ZFYVE9: variants seen among roughly 807,000 people sequenced by gnomAD.
ZFYVE9 encodes the protein zinc finger FYVE domain-containing protein 9.
In ZFYVE9, 43 loss-of-function variants were observed where a neutral mutation model predicts 126.7. The ratio of observed to expected loss-of-function variants is 0.34; its 90% confidence interval spans 0.27 to 0.44. The LOEUF (loss-of-function observed/expected upper bound fraction) is 0.44. ZFYVE9 is among the 20% of genes least tolerant of loss of function. The probability of loss-of-function intolerance (pLI) is 1.00; values close to 1 mark genes in which losing one functional copy is unlikely to be tolerated. For synonymous variants in ZFYVE9, 521 were observed against 597.4 expected (o/e 0.87, Z 1.87); for missense variants, 1,476 against 1,697.0 (o/e 0.87, Z 2.29).
chr1:52,310,452 TAGTCCTAGGTAC>T (rs67270585), intron 13 of ZFYVE9, among the ~76,000 whole-genome samples: 7,857 of 152,158 alleles, frequency 0.052, 458 homozygotes, highest in African/African-American at 0.13. Flanking sequence ...TGAATGTGTA[TAGTCCTAGGTAC>T]AGGCTGAGGT....
intron 12 of ZFYVE9, 106 bp from the exon 13 acceptor site, chr1:52,303,715 A>T (rs570328122): frequency 9.9e-6 from 6 of 605,714 alleles, no homozygotes; most frequent in African/African-American, 7.6e-5. Context: ...AATAAATAGG[A>T]TCTTTCAATA....
intron 1 of ZFYVE9, among the ~76,000 whole-genome samples, chr1:52,196,961 A>AT (rs1284506805): frequency 6.6e-6 from 1 of 152,164 alleles, no homozygotes; most frequent in African/African-American, 2.4e-5. Flanking sequence ...ATTATATTTA[A>AT]TTTTATTATC....
chr1:52,209,023 T>G (rs1157485324), intron 1 of ZFYVE9, among the ~76,000 whole-genome samples: 1 of 152,214 alleles, frequency 6.6e-6, no homozygotes, highest in Non-Finnish European at 1.5e-5. Flanking sequence ...CTGTGTATTA[T>G]CCATGGTATC....
At chr1:52,249,847 T>A (rs1645426652) in intron 4 of ZFYVE9, among the ~76,000 whole-genome samples, 1 of 152,220 alleles carries the variant, frequency 6.6e-6, no homozygotes, top group South Asian at 2.1e-4. Context: ...TATCTGGTTT[T>A]CTCAGTATCA....
At chr1:52,245,569 T>C (rs1315593303) in intron 4 of ZFYVE9, among the ~76,000 whole-genome samples, 1 of 152,198 alleles carries the variant, frequency 6.6e-6, no homozygotes, top group Non-Finnish European at 1.5e-5. Context: ...AAAATAGGCC[T>C]AGAAAGATTA....
At position 52,281,614 on chromosome 1, in the gene ZFYVE9, G is replaced by A. The variant is rs376084911; in HGVS notation, c.2870-47G>A. 1.6e-4 allele frequency: 253 copies of A among 1,600,376 alleles called. 2 individuals are homozygous for A. In the East Asian group the frequency reaches 2.2e-3, roughly 14 times the overall value. ...TCTGTGCATCTTTTTTTAAGAGTAA[G>A]GATTGATAGGAATGTCTTTATTTTT... On this transcript the variant is annotated intron_variant, in intron 9 of 18. Transcript: ENST00000287727.
intron 4 of ZFYVE9, among the ~76,000 whole-genome samples, chr1:52,249,411 T>G (rs969247425): frequency 2.0e-5 from 3 of 152,230 alleles, no homozygotes; most frequent in African/African-American, 7.2e-5. Flanking sequence ...TGAGCCTCTT[T>G]TCATGTACTT....
intron 1 of ZFYVE9, among the ~76,000 whole-genome samples, chr1:52,144,305 G>A (rs2124484845): frequency 6.6e-6 from 1 of 151,990 alleles, no homozygotes; most frequent in South Asian, 2.1e-4. Context: ...GCAACAGAGC[G>A]AGACTCCATC....
At chr1:52,322,125 G>A (rs1370240759) in intron 13 of ZFYVE9, among the ~76,000 whole-genome samples, 1 of 152,160 alleles carries the variant, frequency 6.6e-6, no homozygotes, top group African/African-American at 2.4e-5. Context: ...TGACAGTGCT[G>A]TCATCTTTCC....
intron 4 of ZFYVE9, among the ~76,000 whole-genome samples, chr1:52,256,337 G>T (rs1184631158): frequency 6.6e-6 from 1 of 151,596 alleles, no homozygotes; most frequent in African/African-American, 2.4e-5. Context: ...AAAGTGCTGG[G>T]ATTACAGGCA....
At chr1:52,165,762 A>G (rs78462288) in intron 1 of ZFYVE9, among the ~76,000 whole-genome samples, 2 of 151,162 alleles carry the variant, frequency 1.3e-5, no homozygotes, top group African/African-American at 2.5e-5. Flanking sequence ...TTCAGGTTCA[A>G]TTCAATAGTG....
chr1:52,203,854 A>G (rs1255966840), intron 1 of ZFYVE9, among the ~76,000 whole-genome samples: 1 of 152,100 alleles, frequency 6.6e-6, no homozygotes, highest in African/African-American at 2.4e-5. Flanking sequence ...AAATAAGCCT[A>G]TCAAAGGCAT....
At chr1:52,202,878 G>A (rs1644937082) in intron 1 of ZFYVE9, among the ~76,000 whole-genome samples, 1 of 151,340 alleles carries the variant, frequency 6.6e-6, no homozygotes, top group Admixed American at 6.6e-5. Context: ...TAGAGACAGG[G>A]TTTCGCCACA....
At position 52,298,806 on chromosome 1, in the gene ZFYVE9, G is replaced by GTGTT. The variant is rs1553133756; in HGVS notation, c.3333+2830_3333+2831insGTTT. Among the ~76,000 whole-genome samples, 7 of 109,170 alleles carry GTGTT rather than the reference G, an allele frequency of 6.4e-5. No individual in the cohort carries two copies. In the East Asian group the frequency reaches 7.6e-4, roughly 12 times the overall value. 71.6% of individuals were successfully genotyped at this position (109,170 alleles called of 152,430 possible). On this transcript the variant is annotated intron_variant, in intron 12 of 18. Coordinates refer to ENST00000287727, the MANE Select transcript of ZFYVE9 (RefSeq NM_004799.4). ...CATGGAATCAGTTTCCTTTGTCAAT[G>GTGTT]TTTTTTTTTTTTTTTTTTTTTGAGA...
At chr1:52,228,649 A>T (rs1340629512) in intron 2 of ZFYVE9, among the ~76,000 whole-genome samples, 1 of 152,230 alleles carries the variant, frequency 6.6e-6, no homozygotes, top group Non-Finnish European at 1.5e-5. Flanking sequence ...ATCTCCTAAG[A>T]GAACAAGTAA....
At chr1:52,164,216 T>G (rs1644491456) in intron 1 of ZFYVE9, among the ~76,000 whole-genome samples, 2 of 151,872 alleles carry the variant, frequency 1.3e-5, no homozygotes, top group South Asian at 4.2e-4. Flanking sequence ...ATATCTTTTT[T>G]GTTTGTTTGT....
intron 2 of ZFYVE9, among the ~76,000 whole-genome samples, chr1:52,216,820 T>G (rs1374226064): frequency 6.6e-6 from 1 of 152,236 alleles, no homozygotes; most frequent in Admixed American, 6.5e-5. Flanking sequence ...GCTAATTTGG[T>G]GATGGGGAAT....
chr1:52,177,013 C>G (rs1401414164), intron 1 of ZFYVE9, among the ~76,000 whole-genome samples: 2 of 152,192 alleles, frequency 1.3e-5, no homozygotes, highest in Non-Finnish European at 1.5e-5. Flanking sequence ...CCTGTGCCCA[C>G]TCTCTGGCAC....
intron 1 of ZFYVE9, among the ~76,000 whole-genome samples, chr1:52,145,567 A>T (rs1285275744): frequency 6.6e-6 from 1 of 152,162 alleles, no homozygotes; most frequent in East Asian, 1.9e-4. Context: ...TGAGTTTCTT[A>T]TGTACTATTG....
Sources: allele counts gnomAD v4.1 joint callset (sites outside exome capture counted in the v4.1 genomes callset), GRCh38; gene constraint gnomAD v4.1.1; transcripts MANE v1.5; gene names NCBI Gene and HGNC (gene_info 2026-07-23, HGNC 2026-07-21).